Variants in ZNF622 observed in about 807,000 individuals in gnomAD.
The protein encoded by ZNF622 is zinc finger protein 622, also known as cytoplasmic 60S subunit biogenesis factor ZNF622.
In ZNF622, 34 loss-of-function variants were observed where a neutral mutation model predicts 49.7. That is an observed-to-expected ratio of 0.68 (90% CI 0.52 to 0.91). The LOEUF (loss-of-function observed/expected upper bound fraction) is 0.91. ZNF622 is among the 40% of genes least tolerant of loss of function. ZNF622 has a pLI of 0.00. For synonymous variants in ZNF622, 209 were observed against 228.7 expected, an observed-to-expected ratio of 0.91 and a Z score of 0.78; for missense variants, 569 against 616.4, an observed-to-expected ratio of 0.92 and a Z score of 0.81.
intron 3 of ZNF622, 25 bp from the exon 4 acceptor site, chr5:16,458,654 A>T (rs201431211): frequency 3.6e-5 from 53 of 1,474,384 alleles, no homozygotes; most frequent in Non-Finnish European, 2.8e-6. Flanking sequence ...TTGCACTAAT[A>T]AATAGACTAA....
At position 16,463,763 on chromosome 5, in the gene ZNF622, AT is replaced by A. The variant is rs1336165410; in HGVS notation, c.626-22del. On this transcript the variant is annotated intron_variant, in intron 1 of 5. Transcript: ENST00000308683. This position sits in a 1 kb window ranked among gnomAD's most constrained non-coding sequence, Gnocchi z 4.2. ...CCAATCTGCAAGCCAGAATTTTGAA[AT>A]ATAAAGTTTAAGAAAAGTAGTAGCA... 6.2e-7 allele frequency: 1 copy of A among 1,607,772 alleles called. No individual in the cohort carries two copies.
chr5:16,456,876 A>C (rs1579563278), intron 4 of ZNF622, among the ~76,000 whole-genome samples: 1 of 44,960 alleles, frequency 2.2e-5, no homozygotes, highest in Admixed American at 1.9e-4. Flanking sequence ...AAATGAATAC[A>C]AAAAAAAAAA....
Position 16,463,850 on chromosome 5 carries a change from ACC to A in ZNF622, c.626-110_626-109del, listed in dbSNP as rs1738165737. 8.4e-7 allele frequency: 1 copy of A among 1,185,098 alleles called. No homozygotes were observed. The highest frequency in any genetic ancestry group is 1.5e-5 in the African/African-American group (1 of 65,544). 73.4% of individuals were successfully genotyped at this position (1,185,098 alleles called of 1,614,324 possible). A position where few individuals can be genotyped will look rare whatever the true frequency, so the allele number is the denominator to read the frequency against. ...GTCCTATATTTGGAGAAACAGCCACACCCCAACTCCCAAGGACAACTCCTCTT... is the reference window on the plus strand; with the variant it reads ...GTCCTATATTTGGAGAAACAGCCACACCAACTCCCAAGGACAACTCCTCTT... On this transcript the variant is annotated intron_variant, in intron 1 of 5. Coordinates refer to ENST00000308683, the MANE Select transcript of ZNF622 (RefSeq NM_033414.3). This position sits in a 1 kb window ranked among gnomAD's most constrained non-coding sequence, Gnocchi z 4.2.
rs988760980 is a variant in ZNF622 at position 16,465,420 on chromosome 5, G to C, written c.246C>G (p.Tyr82Ter). The C allele has an allele frequency of 2.5e-6, 4 of 1,614,238 alleles. No individual in the cohort carries two copies. The highest frequency in any genetic ancestry group is 3.4e-6 in the Non-Finnish European group (4 of 1,180,046). ...GACGCCGGGACTTGAGGTGGTTCTC[G>C]TAGGCGTTGAAAGAGGCAAACTTCT... ...CSKKFASFNA[Y>*]ENHLKSRRHV... The change falls in exon 1 of 6, where the codon TAC becomes TAG. Residue 82 changes from tyrosine to a stop codon, truncating the protein, a stop_gained. Transcript: ENST00000308683. LOFTEE classifies it high-confidence loss of function. This position sits in a 1 kb window ranked among gnomAD's most constrained non-coding sequence, Gnocchi z 6.2.
In ZNF622 at chr5:16,465,221, G is replaced by A; in HGVS notation, c.445C>T (p.Pro149Ser). ...QPSMSPKKAPPAPAKEARNVV... is the reference protein window; with the variant it reads ...QPSMSPKKAPSAPAKEARNVV... The stretch of plus-strand genomic sequence containing the variant: ...TTCCTGGCCTCCTTTGCAGGCGCTG[G>A]GGGCGCCTTCTTGGGAGACATGGAC... Residue 149 changes from proline to serine, a missense_variant, in exon 1 of 6, where the codon CCA becomes TCA. Coordinates refer to ENST00000308683, the MANE Select transcript of ZNF622 (RefSeq NM_033414.3). This position sits in a 1 kb window ranked among gnomAD's most constrained non-coding sequence, Gnocchi z 6.2. 1 of 1,614,178 alleles carries A rather than the reference G, an allele frequency of 6.2e-7. No individual in the cohort carries two copies. Among genetic ancestry groups the A allele is most frequent in the Non-Finnish European group, 8.5e-7 (1 of 1,180,032 alleles).
intron 4 of ZNF622, among the ~76,000 whole-genome samples, chr5:16,454,625 G>A (rs1474040244): frequency 6.6e-6 from 1 of 152,120 alleles, no homozygotes; most frequent in Non-Finnish European, 1.5e-5. Flanking sequence ...ATTTAAGGGT[G>A]AGGCACATCT....
Position 16,458,632 on chromosome 5 carries a change from A to AT in ZNF622, c.1050-4dup, listed in dbSNP as rs756050130. ...CCTTGTGATCTGGATAGCTACTCCT[A>AT]TAACAGAGAAATTGCACTAATAAAT... On this transcript the variant is annotated splice_region_variant and splice_polypyrimidine_tract_variant and intron_variant, in intron 3 of 5. Transcript: ENST00000308683. 5.0e-6 allele frequency: 8 copies of AT among 1,586,608 alleles called. No homozygotes were observed. The East Asian group carries it at 1.6e-4, about 31-fold the overall frequency.
chr5:16,463,017 C>T lies in ZNF622; in HGVS notation c.1049+91G>A. ...TAAGTGTTATTAAGGATATGTTGTA[C>T]AGTGCCAAACATATCCAGCACTGGC... is the stretch of plus-strand genomic sequence containing the variant. On this transcript the variant is annotated intron_variant, in intron 3 of 5. Coordinates refer to ENST00000308683, the MANE Select transcript of ZNF622 (RefSeq NM_033414.3). This position sits in a 1 kb window ranked among gnomAD's most constrained non-coding sequence, Gnocchi z 4.2. 7.4e-7 allele frequency: 1 copy of T among 1,350,258 alleles called. No homozygotes were observed. The highest frequency in any genetic ancestry group is 2.4e-5 in the Admixed American group (1 of 41,764). 83.6% of individuals were successfully genotyped at this position (1,350,258 alleles called of 1,614,324 possible).
At chr5:16,461,070 G>C (rs1458767368) in intron 3 of ZNF622, among the ~76,000 whole-genome samples, 2 of 152,180 alleles carry the variant, frequency 1.3e-5, no homozygotes, top group Non-Finnish European at 2.9e-5. Flanking sequence ...GGTCAAAAAA[G>C]GCCACACTGA....
chr5:16,461,068 A>G (rs2126493821), intron 3 of ZNF622, among the ~76,000 whole-genome samples: 1 of 152,352 alleles, frequency 6.6e-6, no homozygotes, highest in East Asian at 1.9e-4. Flanking sequence ...GTGGTCAAAA[A>G]AGGCCACACT....
At chr5:16,457,711 T>C (rs1169210382) in intron 4 of ZNF622, among the ~76,000 whole-genome samples, 1 of 152,200 alleles carries the variant, frequency 6.6e-6, no homozygotes, top group Non-Finnish European at 1.5e-5. Flanking sequence ...CCTGCACCGT[T>C]ACTGCAAATC....
At chr5:16,457,254 T>C (rs1208513966) in intron 4 of ZNF622, among the ~76,000 whole-genome samples, 6 of 152,164 alleles carry the variant, frequency 3.9e-5, no homozygotes, top group Non-Finnish European at 5.9e-5. Flanking sequence ...TGTACTAGGA[T>C]TGTCTTATTC....
chr5:16,462,326 T>A (rs138666784), intron 3 of ZNF622, among the ~76,000 whole-genome samples: 1 of 152,330 alleles, frequency 6.6e-6, no homozygotes, highest in East Asian at 1.9e-4. Context: ...TGTTCACAAG[T>A]ACTTAACATA....
chr5:16,465,790 T>C lies in ZNF622; in HGVS notation c.-125A>G, dbSNP rs1461296155. ...AGAGCCACTCGACACGCCGACTTCC[T>C]GATTGTCACTGAGGAAACTTCCGGC... is the stretch of plus-strand genomic sequence containing the variant. On this transcript the variant is annotated 5_prime_UTR_variant, in exon 1 of 6. Transcript: ENST00000308683. This position sits in a 1 kb window ranked among gnomAD's most constrained non-coding sequence, Gnocchi z 6.2. 4 of 1,278,786 alleles carry C rather than the reference T, an allele frequency of 3.1e-6. No individual in the cohort carries two copies. Among genetic ancestry groups the C allele is most frequent in the East Asian group, 4.9e-5 (2 of 41,206 alleles). The allele number at this position is 1,278,786 out of a possible 1,614,324, so 79.2% of individuals were successfully genotyped here. A position where few individuals can be genotyped will look rare whatever the true frequency, so the allele number is the denominator to read the frequency against.
Position 16,451,775 on chromosome 5 carries a change from AG to A in ZNF622, c.1315del (p.Met440CysfsTer12). 6.2e-7 allele frequency: 1 copy of A among 1,613,128 alleles called. No individual in the cohort carries two copies. The highest frequency in any genetic ancestry group is 1.1e-5 in the South Asian group (1 of 90,822). On this transcript the variant is annotated frameshift_variant, in exon 6 of 6. Coordinates refer to ENST00000308683, the MANE Select transcript of ZNF622 (RefSeq NM_033414.3). LOFTEE classifies it high-confidence loss of function. ...LGWTGSTGAA[L>X]MRERDMQYVQ... ...ATACTGCATGTCTCGCTCTCGCATA[AG>A]AGCCGCTCCTATGATTGGAAGGCAG... is the stretch of plus-strand genomic sequence containing the variant.
intron 4 of ZNF622, among the ~76,000 whole-genome samples, chr5:16,457,337 C>T (rs1221284456): frequency 6.6e-6 from 1 of 152,194 alleles, no homozygotes; most frequent in Non-Finnish European, 1.5e-5. Context: ...ACAAGTCAAA[C>T]ATACAGTTCT....
chr5:16,462,613 C>T (rs557012390), intron 3 of ZNF622, among the ~76,000 whole-genome samples: 2 of 152,162 alleles, frequency 1.3e-5, no homozygotes, highest in African/African-American at 4.8e-5. Flanking sequence ...ATGATTGTGC[C>T]ACTGTCCTCC....
intron 1 of ZNF622, 130 bp downstream of exon 1, chr5:16,464,911 A>G: frequency 7.0e-6 from 9 of 1,287,820 alleles, no homozygotes; most frequent in Non-Finnish European, 6.4e-6. Context: ...AAGCGTCTAA[A>G]CCACCTTCCC....
Position 16,453,151 on chromosome 5 carries a change from TG to T in ZNF622, c.1167del (p.Arg390GlufsTer7). 1 of 1,497,856 alleles carries T rather than the reference TG, an allele frequency of 6.7e-7. No individual in the cohort carries two copies. The highest frequency in any genetic ancestry group is 1.4e-5 in the African/African-American group (1 of 71,334). 92.8% of individuals were successfully genotyped at this position (1,497,856 alleles called of 1,614,324 possible). On this transcript the variant is annotated frameshift_variant, in exon 5 of 6. Coordinates refer to ENST00000308683, the MANE Select transcript of ZNF622 (RefSeq NM_033414.3). LOFTEE classifies it high-confidence loss of function. ...CTCATCAAGGAGCGATGACCCACTC[TG>T]GCACCTGTTTTTCAAAAGAGCAATA... ...ETMELILPSG[A>X]RVGHRSLMRY...
Sources: allele counts gnomAD v4.1 joint callset (sites outside exome capture counted in the v4.1 genomes callset), GRCh38; gene constraint gnomAD v4.1.1; non-coding constraint Gnocchi (gnomAD v3.1); transcripts MANE v1.5; gene names NCBI Gene and HGNC (gene_info 2026-07-23, HGNC 2026-07-21).